Variants in PLD5 observed in about 807,000 individuals in gnomAD.
PLD5 encodes inactive phospholipase D5.
PLD5 carries 36 observed loss-of-function variants against 61.1 expected under a neutral mutation model. That is an observed-to-expected ratio of 0.59 (90% confidence interval 0.45 to 0.78). PLD5 has a LOEUF of 0.78. Ranked by LOEUF, PLD5 falls within the 30% of genes least tolerant of loss-of-function variation. The pLI is 0.00. For synonymous variants in PLD5, 243 were observed against 242.8 expected (o/e 1.00, Z -0.01); for missense variants, 515 against 644.4 (o/e 0.80, Z 2.17).
At chr1:242,395,128 T>C (rs1033918042) in intron 1 of PLD5, among the ~76,000 whole-genome samples, 1 of 148,360 alleles carries the variant, frequency 6.7e-6, no homozygotes, top group Non-Finnish European at 1.5e-5. Context: ...TATGTATGTA[T>C]ATGTATATAT....
At chr1:242,488,621 G>T (rs572496483) in intron 1 of PLD5, among the ~76,000 whole-genome samples, 12 of 152,172 alleles carry the variant, frequency 7.9e-5, no homozygotes, top group Non-Finnish European at 1.0e-4. Context: ...TATTGTGATG[G>T]CAGTGAAACT....
intron 4 of PLD5, among the ~76,000 whole-genome samples, chr1:242,260,705 A>G (rs567432572): frequency 6.6e-6 from 1 of 152,360 alleles, no homozygotes; most frequent in East Asian, 1.9e-4. Flanking sequence ...AATCATACCA[A>G]GTATATTCTA....
intron 2 of PLD5, 72 bp from the exon 3 acceptor site, chr1:242,288,602 A>G: frequency 4.7e-6 from 7 of 1,494,810 alleles, no homozygotes; most frequent in Non-Finnish European, 4.4e-6. Context: ...TTATATATGC[A>G]TACAGCAGAC....
At chr1:242,164,104 A>G (rs957970897) in intron 5 of PLD5, among the ~76,000 whole-genome samples, 1 of 151,814 alleles carries the variant, frequency 6.6e-6, no homozygotes, top group Admixed American at 6.6e-5. Flanking sequence ...ATTTTTAAAG[A>G]GGCATTTGGG....
At chr1:242,523,700 A>C (rs1466591853) in intron 1 of PLD5, among the ~76,000 whole-genome samples, 1 of 152,180 alleles carries the variant, frequency 6.6e-6, no homozygotes, top group Non-Finnish European at 1.5e-5. Flanking sequence ...CAGCCCCCAA[A>C]GACGCGGGCA....
At position 242,124,594 on chromosome 1, in the gene PLD5, T is replaced by G. The variant is rs1274732279; in HGVS notation, c.807A>C (p.Leu269=). 6.8e-6 allele frequency: 11 copies of G among 1,613,794 alleles called. No homozygotes were observed. Among genetic ancestry groups the G allele is most frequent in the Non-Finnish European group, 8.5e-6 (10 of 1,179,820 alleles). The change falls in exon 6 of 10, where the codon CTA becomes CTC. Residue 269 remains leucine (L), a synonymous_variant. Transcript: ENST00000536534. The stretch of plus-strand genomic sequence containing the variant: ...TGCTTTTGAATTTTAATGAACTATA[T>G]AGAGCAAATATCCTTTGTAAATCTA... The part of the protein sequence containing the change: ...LVLDLQRIFA[L]YSSLKFKSRV...
At chr1:242,404,177 G>A (rs12117339) in intron 1 of PLD5, among the ~76,000 whole-genome samples, 17,579 of 152,212 alleles carry the variant, frequency 0.12, 1,081 homozygotes, top group Middle Eastern at 0.2. Context: ...AACACATGCC[G>A]AGTACCTCAC....
At chr1:242,257,236 TA>T (rs966611531) in intron 4 of PLD5, among the ~76,000 whole-genome samples, 3 of 151,826 alleles carry the variant, frequency 2.0e-5, no homozygotes, top group Non-Finnish European at 4.4e-5. Flanking sequence ...CAAAACCTTG[TA>T]AAAAAAAGTT....
At chr1:242,128,342 C>T (rs1048004507) in intron 5 of PLD5, among the ~76,000 whole-genome samples, 1 of 151,980 alleles carries the variant, frequency 6.6e-6, no homozygotes, top group African/African-American at 2.4e-5. Flanking sequence ...TGCTATTTCC[C>T]TATCCACCTT....
At chr1:242,284,796 G>T (rs942248641) in intron 3 of PLD5, among the ~76,000 whole-genome samples, 1 of 152,266 alleles carries the variant, frequency 6.6e-6, no homozygotes, top group Non-Finnish European at 1.5e-5. Context: ...GGACAGACAG[G>T]TATGGCGAGA....
At chr1:242,321,235 G>A (rs572393836) in intron 2 of PLD5, among the ~76,000 whole-genome samples, 1 of 150,886 alleles carries the variant, frequency 6.6e-6, no homozygotes, top group East Asian at 2.0e-4. Context: ...ATAATGGAGA[G>A]TTTGACACCT....
chr1:242,440,744 T>A (rs535891027), intron 1 of PLD5, among the ~76,000 whole-genome samples: 36 of 152,324 alleles, frequency 2.4e-4, no homozygotes, highest in Middle Eastern at 6.8e-3. Context: ...ACTCACAGAC[T>A]AAACACAATC....
intron 1 of PLD5, among the ~76,000 whole-genome samples, chr1:242,514,964 G>A (rs913040007): frequency 3.9e-5 from 6 of 152,194 alleles, no homozygotes; most frequent in African/African-American, 1.4e-4. Context: ...CAGTAAGCAA[G>A]GCTAAGGGCA....
At chr1:242,417,804 G>A (rs1664912550) in intron 1 of PLD5, among the ~76,000 whole-genome samples, 1 of 152,176 alleles carries the variant, frequency 6.6e-6, no homozygotes, top group African/African-American at 2.4e-5. Context: ...AGAGCAAGGA[G>A]GGAGGTGATA....
At chr1:242,144,069 C>T (rs1005859533) in intron 5 of PLD5, among the ~76,000 whole-genome samples, 1 of 152,028 alleles carries the variant, frequency 6.6e-6, no homozygotes, top group Non-Finnish European at 1.5e-5. Flanking sequence ...GGAGTTTTGC[C>T]GTGTTGACCA....
rs534963761 is a variant in PLD5 at position 242,410,665 on chromosome 1, G to A, written c.190-62423C>T. ...CCTGATCCAGATGCCTGTGATGCTG[G>A]AGGTATTTAGCTTAGGTATTTTGCG... is the stretch of plus-strand genomic sequence containing the variant. On this transcript the variant is annotated intron_variant, in intron 1 of 9. Coordinates refer to ENST00000536534, the MANE Select transcript of PLD5 (RefSeq NM_001372062.1). Among the ~76,000 whole-genome samples the A allele has an allele frequency of 2.6e-5, 4 of 152,108 alleles. No homozygotes were observed. The South Asian group carries it at 8.3e-4, about 32-fold the overall frequency.
chr1:242,219,909 A>G (rs1201409559), intron 5 of PLD5, 79 bp downstream of exon 5: 18 of 1,517,684 alleles, frequency 1.2e-5, no homozygotes, highest in Non-Finnish European at 1.6e-5. Context: ...TAGGATCCTT[A>G]TCTGCAGTAG....
Position 242,256,738 on chromosome 1 carries a change from T to C in PLD5, c.607+8599A>G, listed in dbSNP as rs945401682. Among the ~76,000 whole-genome samples the C allele has an allele frequency of 8.6e-5, 13 of 150,386 alleles. No individual in the cohort carries two copies. The highest frequency in any genetic ancestry group is 3.2e-4 in the African/African-American group (13 of 40,600). Reference sequence around the variant, plus strand: ...AGTTATTACAGCAGCACAAATGAACTAAGACTATCATCTATCTATCTATCT... The same window carrying C: ...AGTTATTACAGCAGCACAAATGAACCAAGACTATCATCTATCTATCTATCT... On this transcript the variant is annotated intron_variant, in intron 4 of 9. Transcript: ENST00000536534. This position sits in a 1 kb window ranked among gnomAD's most constrained non-coding sequence, Gnocchi z 5.7.
intron 5 of PLD5, among the ~76,000 whole-genome samples, chr1:242,168,490 ACAG>A (rs1666485631): frequency 1.3e-5 from 2 of 152,228 alleles, no homozygotes; most frequent in African/African-American, 4.8e-5. Flanking sequence ...TCCTTATTAA[ACAG>A]CACAAATTTA....
Sources: allele counts gnomAD v4.1 joint callset (sites outside exome capture counted in the v4.1 genomes callset), GRCh38; gene constraint gnomAD v4.1.1; non-coding constraint Gnocchi (gnomAD v3.1); transcripts MANE v1.5; gene names NCBI Gene and HGNC (gene_info 2026-07-23, HGNC 2026-07-21).